The following EDAR variants were observed in gnomAD, a reference collection of about 807,000 sequenced individuals.
EDAR encodes the protein ectodysplasin A receptor.
EDAR carries 38 observed loss-of-function variants against 51.3 expected under a neutral mutation model. The observed-to-expected ratio is 0.74, with a 90% CI of 0.57 to 0.97. The LOEUF (loss-of-function observed/expected upper bound fraction) is 0.97. Among genes scored for constraint, EDAR ranks in the 50% least tolerant of loss-of-function variants. EDAR has a pLI of 0.00. For synonymous variants in EDAR, 227 were observed against 242.1 expected (o/e 0.94, Z 0.58); for missense variants, 528 against 595.0 (o/e 0.89, Z 1.17).
At chr2:108,981,994 G>A (rs140046438) in intron 1 of EDAR, among the ~76,000 whole-genome samples, 4 of 152,336 alleles carry the variant, frequency 2.6e-5, no homozygotes, top group African/African-American at 7.2e-5. Context: ...ATGAACAGAC[G>A]GATGCTTCCC....
At chr2:108,908,179 G>A (rs1233589710) in intron 9 of EDAR, among the ~76,000 whole-genome samples, 160 bp from the exon 10 acceptor site, 3 of 152,106 alleles carry the variant, frequency 2.0e-5, no homozygotes, top group East Asian at 1.9e-4. Context: ...ACGGGACCAG[G>A]GGACATGAGA....
chr2:108,912,612 C>T, intron 6 of EDAR, 66 bp downstream of exon 6: 3 of 1,431,766 alleles, frequency 2.1e-6, no homozygotes, highest in Non-Finnish European at 2.9e-6. Flanking sequence ...ATTTCCTCTC[C>T]TCTTCTGAGC....
chr2:108,912,847 T>C, intron 5 of EDAR, 83 bp from the exon 6 acceptor site: 2 of 1,180,660 alleles, frequency 1.7e-6, no homozygotes, highest in Non-Finnish European at 2.4e-6. Flanking sequence ...GGATCTGGAT[T>C]CATGATCATG....
At chr2:108,964,088 CTTAAT>C (rs1698104564) in intron 1 of EDAR, among the ~76,000 whole-genome samples, 1 of 152,180 alleles carries the variant, frequency 6.6e-6, no homozygotes, top group South Asian at 2.1e-4. Context: ...ATGAATTCTA[CTTAAT>C]TTAAATTTAA....
intron 9 of EDAR, among the ~76,000 whole-genome samples, chr2:108,910,251 C>G (rs1346347389): frequency 1.3e-5 from 2 of 152,214 alleles, no homozygotes; most frequent in Non-Finnish European, 2.9e-5. Flanking sequence ...GGGCCTGACC[C>G]GAGAGCAGCA....
rs182738256 is a variant in EDAR, at chr2:108,906,190, C to G, written c.1024+118G>C. 1,855 of 1,022,530 alleles carry G rather than the reference C, an allele frequency of 1.8e-3. 2 individuals are homozygous for G. Among genetic ancestry groups the G allele is most frequent in the Non-Finnish European group, 2.3e-3 (1,471 of 649,812 alleles). The allele number at this position is 1,022,530 out of a possible 1,614,324, so 63.3% of individuals were successfully genotyped here. A position where few individuals can be genotyped will look rare whatever the true frequency, so the allele number is the denominator to read the frequency against. ...TCCAGCGGCCATTCTGACCAAAGTG[C>G]GGCAACTGGATGGGCGGCTTCCCTC... On this transcript the variant is annotated intron_variant, in intron 11 of 11. Coordinates refer to ENST00000258443, the MANE Select transcript of EDAR (RefSeq NM_022336.4).
At chr2:108,950,058 T>C (rs1343650494) in intron 1 of EDAR, among the ~76,000 whole-genome samples, 1 of 152,160 alleles carries the variant, frequency 6.6e-6, no homozygotes, top group East Asian at 1.9e-4. Flanking sequence ...CATGGTGCCA[T>C]GGGGAGGGGC....
intron 1 of EDAR, among the ~76,000 whole-genome samples, chr2:108,950,388 G>GTA (rs1003088137): frequency 1.3e-5 from 2 of 152,016 alleles, no homozygotes; most frequent in African/African-American, 2.4e-5. Context: ...GTAGCTGGGA[G>GTA]TACAGGTGCA....
In EDAR at chr2:108,897,243, T is replaced by C. The variant is rs762253872; in HGVS notation, c.1025-14A>G. The C allele has an allele frequency of 6.2e-7, 1 of 1,610,158 alleles. No individual in the cohort carries two copies. The highest frequency in any genetic ancestry group is 1.7e-5 in the Admixed American group (1 of 60,012). On this transcript the variant is annotated splice_polypyrimidine_tract_variant and intron_variant, in intron 11 of 11. Coordinates refer to ENST00000258443, the MANE Select transcript of EDAR (RefSeq NM_022336.4). ...TGGGGCTAAGACCTACAGACACCAA[T>C]GGCCACAGTTAGATGTTGCAAGTCA... is the stretch of plus-strand genomic sequence containing the variant.
intron 1 of EDAR, among the ~76,000 whole-genome samples, chr2:108,964,276 A>G (rs1698108570): frequency 6.6e-6 from 1 of 152,074 alleles, no homozygotes; most frequent in African/African-American, 2.4e-5. Context: ...GACTTTTCTG[A>G]GGTCCACCGG....
chr2:108,898,363 C>A (rs1184567081), intron 11 of EDAR, among the ~76,000 whole-genome samples: 1 of 152,140 alleles, frequency 6.6e-6, no homozygotes, highest in Non-Finnish European at 1.5e-5. Flanking sequence ...AAAAAGGAAT[C>A]CCCCTTGAGT....
intron 1 of EDAR, among the ~76,000 whole-genome samples, chr2:108,958,999 A>C (rs1347235466): frequency 6.6e-6 from 1 of 152,242 alleles, no homozygotes; most frequent in Non-Finnish European, 1.5e-5. Flanking sequence ...GGCTGAGGCC[A>C]TTGGAATTGG....
intron 1 of EDAR, among the ~76,000 whole-genome samples, chr2:108,937,466 T>C (rs1697496060): frequency 6.6e-6 from 1 of 152,088 alleles, no homozygotes; most frequent in Admixed American, 6.5e-5. Flanking sequence ...TGCATGTGTA[T>C]ATGTGAGTGT....
Position 108,932,528 on chromosome 2 carries a change from C to CAAAAAA in EDAR, c.-18-1502_-18-1497dup, listed in dbSNP as rs1171012818. ...TGGGCGACAGAGTGAGACTCTGTCT[C>CAAAAAA]AAAAAAAAAAAAAAAAAAAAAAAAG... On this transcript the variant is annotated intron_variant, in intron 1 of 11. Transcript: ENST00000258443. 1.7e-3 allele frequency among the ~76,000 whole-genome samples: 66 copies of CAAAAAA among 39,138 alleles called. 3 individuals are homozygous for CAAAAAA. Among genetic ancestry groups the CAAAAAA allele is most frequent in the African/African-American group, 6.2e-3 (62 of 9,934 alleles). The allele number at this position is 39,138 out of a possible 152,430, so 25.7% of individuals were successfully genotyped here. A position where few individuals can be genotyped will look rare whatever the true frequency, so the allele number is the denominator to read the frequency against.
intron 1 of EDAR, among the ~76,000 whole-genome samples, chr2:108,968,543 T>C (rs1257441321): frequency 6.6e-6 from 1 of 152,178 alleles, no homozygotes; most frequent in Admixed American, 6.5e-5. Flanking sequence ...GTGGTAGGCA[T>C]ACTCAGAGGG....
chr2:108,973,369 G>A (rs1218117928), intron 1 of EDAR, among the ~76,000 whole-genome samples: 1 of 152,228 alleles, frequency 6.6e-6, no homozygotes, highest in Non-Finnish European at 1.5e-5. Flanking sequence ...GGCTAGGGCA[G>A]GAGGGCGGTG....
intron 1 of EDAR, among the ~76,000 whole-genome samples, chr2:108,979,454 G>C (rs3029779): frequency 0.63 from 73,077 of 115,976 alleles, 19,967 homozygotes; most frequent in South Asian, 0.79. Context: ...CTCTGTCTCT[G>C]TCTCTCTCTC....
At chr2:108,918,656 G>A (rs962701028) in intron 5 of EDAR, among the ~76,000 whole-genome samples, 1 of 152,124 alleles carries the variant, frequency 6.6e-6, no homozygotes, top group African/African-American at 2.4e-5. Flanking sequence ...GGGTCCTGCC[G>A]GGCACTGTGT....
Position 108,929,385 on chromosome 2 carries a change from C to G in EDAR, c.175-6G>C, listed in dbSNP as rs780919685. Reference sequence around the variant, plus strand: ...TTGGTGCCGTAGCCACAGGACTGTCCAGGGAAAGAGGACAGGGGACACAGG... The same window carrying G: ...TTGGTGCCGTAGCCACAGGACTGTCGAGGGAAAGAGGACAGGGGACACAGG... On this transcript the variant is annotated splice_polypyrimidine_tract_variant and splice_region_variant and intron_variant, in intron 3 of 11. Coordinates refer to ENST00000258443, the MANE Select transcript of EDAR (RefSeq NM_022336.4). 1 of 1,613,970 alleles carries G rather than the reference C, an allele frequency of 6.2e-7. No individual in the cohort carries two copies. The highest frequency in any genetic ancestry group is 1.1e-5 in the South Asian group (1 of 91,072).
Sources: gnomAD v4.1 joint callset for allele counts (sites outside exome capture counted in the v4.1 genomes callset) on GRCh38, gnomAD v4.1.1 for gene constraint, MANE v1.5 for transcripts, NCBI Gene and HGNC (gene_info 2026-07-23, HGNC 2026-07-21) for gene names.